Variants in WWC2 observed in about 807,000 individuals in gnomAD.
The protein encoded by WWC2 is protein WWC2.
A neutral mutation model predicts 138.5 loss-of-function variants in WWC2; 101 were observed. The ratio of observed to expected loss-of-function variants is 0.73; its 90% CI spans 0.62 to 0.86. WWC2 has a LOEUF of 0.86. WWC2 is among the 40% of genes least tolerant of loss of function. The pLI is 0.00. For synonymous variants in WWC2, 558 were observed against 538.4 expected, an observed-to-expected ratio of 1.04 and a Z score of -0.50; for missense variants, 1,420 against 1,419.4, an observed-to-expected ratio of 1.00 and a Z score of -0.01.
intron 1 of WWC2, among the ~76,000 whole-genome samples, chr4:183,139,912 A>C (rs1431375227): frequency 6.6e-6 from 1 of 152,182 alleles, no homozygotes; most frequent in Non-Finnish European, 1.5e-5. Flanking sequence ...TCCCGGGTGC[A>C]AGCAATCCTC....
At chr4:183,207,573 G>A (rs1735481445) in intron 2 of WWC2, among the ~76,000 whole-genome samples, 3 of 152,144 alleles carry the variant, frequency 2.0e-5, no homozygotes, top group Non-Finnish European at 2.9e-5. Context: ...TGATGCAGAG[G>A]GCAGTGTGTC....
intron 14 of WWC2, among the ~76,000 whole-genome samples, chr4:183,267,580 C>G (rs1298079724): frequency 6.6e-6 from 1 of 152,214 alleles, no homozygotes; most frequent in African/African-American, 2.4e-5. Flanking sequence ...CTTCTTTAAA[C>G]TCACTGTAAG....
chr4:183,291,870 G>T (rs965246505), intron 21 of WWC2, among the ~76,000 whole-genome samples: 2 of 151,886 alleles, frequency 1.3e-5, no homozygotes, highest in Admixed American at 6.6e-5. Flanking sequence ...TTAATGAAGA[G>T]AATATACAAA....
At chr4:183,187,255 T>TA (rs1734832484) in intron 1 of WWC2, among the ~76,000 whole-genome samples, 1 of 151,884 alleles carries the variant, frequency 6.6e-6, no homozygotes, top group Non-Finnish European at 1.5e-5. Flanking sequence ...ATTAAATCTG[T>TA]AAAAAACGGG....
At chr4:183,136,458 G>T (rs902936105) in intron 1 of WWC2, among the ~76,000 whole-genome samples, 3 of 151,888 alleles carry the variant, frequency 2.0e-5, no homozygotes, top group South Asian at 2.1e-4. Context: ...TTCAAATCTG[G>T]TCATTCTTTA....
At chr4:183,243,821 G>T (rs1340219530) in intron 5 of WWC2, among the ~76,000 whole-genome samples, 3 of 147,838 alleles carry the variant, frequency 2.0e-5, no homozygotes, top group African/African-American at 7.5e-5. Flanking sequence ...TTGATTGGTT[G>T]TACTTTATTA....
At position 183,316,788 on chromosome 4, in the gene WWC2, G is replaced by A. The variant is rs915633024; in HGVS notation, c.*1059G>A. 2.0e-5 allele frequency: 3 copies of A among 152,198 alleles called. No individual in the cohort carries two copies. Among genetic ancestry groups the A allele is most frequent in the African/African-American group, 7.2e-5 (3 of 41,450 alleles). The allele number at this position is 152,198 out of a possible 1,614,324, so 9.4% of individuals were successfully genotyped here. A position where few individuals can be genotyped will look rare whatever the true frequency, so the allele number is the denominator to read the frequency against. The stretch of plus-strand genomic sequence containing the variant: ...AACTACTTCATAGCTCTCATTTTTA[G>A]GGGGTTCTATCTATAATTTATGGTA... On this transcript the variant is annotated 3_prime_UTR_variant, in exon 23 of 23. Coordinates refer to ENST00000403733, the MANE Select transcript of WWC2 (RefSeq NM_024949.6).
chr4:183,104,209 G>C (rs1043693809), intron 1 of WWC2, among the ~76,000 whole-genome samples: 6 of 152,084 alleles, frequency 3.9e-5, no homozygotes, highest in African/African-American at 1.4e-4. Context: ...TGAACCCACT[G>C]CTAGACTGTA....
At chr4:183,291,113 C>T (rs1360279031) in intron 21 of WWC2, among the ~76,000 whole-genome samples, 2 of 152,176 alleles carry the variant, frequency 1.3e-5, no homozygotes, top group Non-Finnish European at 2.9e-5. Context: ...GCAGTGAATA[C>T]AGGATAATTA....
At chr4:183,275,180 G>C in intron 16 of WWC2, among the ~76,000 whole-genome samples, 1 of 152,104 alleles carries the variant, frequency 6.6e-6, no homozygotes, top group South Asian at 2.1e-4. Flanking sequence ...CAACCTTACT[G>C]AACTCATTTA....
chr4:183,118,092 C>G (rs945001262), intron 1 of WWC2, among the ~76,000 whole-genome samples: 8 of 152,224 alleles, frequency 5.3e-5, no homozygotes, highest in Admixed American at 5.2e-4. Context: ...GCCACTGCGC[C>G]TGGCCGGTTA....
Position 183,261,527 on chromosome 4 carries a change from C to A in WWC2, c.1904C>A (p.Thr635Asn), listed in dbSNP as rs1372190549. The change falls in exon 11 of 23, where the codon ACT becomes AAT. Residue 635 changes from threonine to asparagine, a missense_variant. Transcript: ENST00000403733. The part of the protein sequence containing the change: ...ECAREPLYEG[T>N]ADVEKSLPKR... ...GCTAGGGAGCCATTATATGAAGGAA[C>A]TGCAGGTAAATGCAGCCCTTTGCTT... 1 of 1,610,298 alleles carries A rather than the reference C, an allele frequency of 6.2e-7. No homozygotes were observed. Among genetic ancestry groups the A allele is most frequent in the Admixed American group, 1.7e-5 (1 of 59,620 alleles).
At chr4:183,269,388 G>GA (rs1423767167) in intron 15 of WWC2, 2 of 677,714 alleles carry the variant, frequency 3.0e-6, no homozygotes, top group African/African-American at 3.5e-5. Flanking sequence ...TTCTGTAAAA[G>GA]TTGCTTTCTA....
intron 2 of WWC2, among the ~76,000 whole-genome samples, chr4:183,202,616 T>C (rs1735333287): frequency 6.6e-6 from 1 of 152,218 alleles, no homozygotes. Flanking sequence ...TATAATTTTA[T>C]AATTTATTAA....
chr4:183,270,561 C>T (rs1273390093), intron 15 of WWC2, among the ~76,000 whole-genome samples: 2 of 151,946 alleles, frequency 1.3e-5, no homozygotes, highest in South Asian at 2.1e-4. Flanking sequence ...GTCAGGAGTT[C>T]GAGACCAGCC....
At chr4:183,192,865 T>G (rs1735027322) in intron 1 of WWC2, among the ~76,000 whole-genome samples, 1 of 151,882 alleles carries the variant, frequency 6.6e-6, no homozygotes, top group East Asian at 1.9e-4. Flanking sequence ...AAAAAAAAAA[T>G]CTATTGTAAT....
At position 183,099,614 on chromosome 4, in the gene WWC2, C is replaced by A; in HGVS notation, c.123C>A (p.Pro41=). ...CCAGGAGGACCAGCTGGATCGACCC[C>A]CGGGACAGGTGGGCGCCGGCCGCGG... ...HNTRRTSWID[P]RDRLTKPLSF... is the part of the protein sequence containing the mutation. The change falls in exon 1 of 23, where the codon CCC becomes CCA. Residue 41 remains proline (P), a synonymous_variant. Coordinates refer to ENST00000403733, the MANE Select transcript of WWC2 (RefSeq NM_024949.6). The A allele has an allele frequency of 7.3e-7, 1 of 1,361,688 alleles. No individual in the cohort carries two copies. Among genetic ancestry groups the A allele is most frequent in the Non-Finnish European group, 9.6e-7 (1 of 1,039,096 alleles). 84.4% of individuals were successfully genotyped at this position (1,361,688 alleles called of 1,614,324 possible). A position where few individuals can be genotyped will look rare whatever the true frequency, so the allele number is the denominator to read the frequency against.
chr4:183,109,452 A>G (rs754348124), intron 1 of WWC2, among the ~76,000 whole-genome samples: 25 of 152,186 alleles, frequency 1.6e-4, no homozygotes, highest in Non-Finnish European at 2.8e-4. Flanking sequence ...TGTGGAAGAC[A>G]ATTTTTCCAC....
intron 1 of WWC2, among the ~76,000 whole-genome samples, chr4:183,129,986 C>T (rs1277800695): frequency 6.6e-6 from 1 of 152,024 alleles, no homozygotes. Context: ...TCAGCACCTG[C>T]CCTTGTTTTG....
Sources: allele counts gnomAD v4.1 joint callset (sites outside exome capture counted in the v4.1 genomes callset), GRCh38; gene constraint gnomAD v4.1.1; transcripts MANE v1.5; gene names NCBI Gene and HGNC (gene_info 2026-07-23, HGNC 2026-07-21).